Variants in POLN observed in about 807,000 individuals in gnomAD.
POLN encodes the protein DNA polymerase nu.
In POLN, 108 loss-of-function variants were observed where a neutral mutation model predicts 113.5. That is an observed-to-expected ratio of 0.95 (90% confidence interval 0.81 to 1.12). The LOEUF (loss-of-function observed/expected upper bound fraction) is 1.12, where lower values mean the gene tolerates loss of function less well. Among genes scored for constraint, POLN ranks in the 50% most tolerant of loss-of-function variants. POLN has a pLI of 0.00. For missense variants in POLN, 1,097 were observed against 1,077.1 expected, an observed-to-expected ratio of 1.02 and a Z score of -0.26; for synonymous variants, 386 against 391.5, an observed-to-expected ratio of 0.99 and a Z score of 0.17.
intron 2 of POLN, chr4:2,239,002 C>T (rs1314789124): frequency 1.4e-5 from 22 of 1,554,026 alleles, no homozygotes; most frequent in Non-Finnish European, 1.9e-5. Flanking sequence ...TCTCACTGGT[C>T]AAGCTAGAAA....
chr4:2,074,293 G>A (rs958671989), intron 24 of POLN, among the ~76,000 whole-genome samples: 1 of 152,298 alleles, frequency 6.6e-6, no homozygotes, highest in East Asian at 1.9e-4. Flanking sequence ...CTGACCCCCA[G>A]CCCTTCAGGG....
chr4:2,225,529 G>A (rs971565708), intron 3 of POLN, among the ~76,000 whole-genome samples: 2 of 151,582 alleles, frequency 1.3e-5, no homozygotes, highest in Non-Finnish European at 2.9e-5. Context: ...ACTCCAGCTT[G>A]GGTGACAGAG....
chr4:2,128,277 CG>C, intron 18 of POLN, 50 bp from the exon 19 acceptor site: 1 of 1,267,810 alleles, frequency 7.9e-7, no homozygotes, highest in Non-Finnish European at 1.1e-6. Context: ...CAATGTTCCT[CG>C]TGTTTGCTGC....
chr4:2,149,746 A>C (rs542289481), intron 16 of POLN, among the ~76,000 whole-genome samples: 38 of 152,262 alleles, frequency 2.5e-4, no homozygotes, highest in African/African-American at 8.7e-4. Flanking sequence ...TGATTACATC[A>C]CTGTACTCTA....
At chr4:2,179,103 C>T (rs1398070767) in intron 8 of POLN, among the ~76,000 whole-genome samples, 1 of 152,218 alleles carries the variant, frequency 6.6e-6, no homozygotes, top group African/African-American at 2.4e-5. Context: ...TTCCTAGGAA[C>T]AGGTGCCATA....
chr4:2,166,787 C>T (rs1732739588), intron 13 of POLN, among the ~76,000 whole-genome samples: 1 of 152,124 alleles, frequency 6.6e-6, no homozygotes, highest in African/African-American at 2.4e-5. Flanking sequence ...GTTACACCGT[C>T]AGCTTCCCTG....
chr4:2,109,179 T>C (rs1298254823), intron 19 of POLN, among the ~76,000 whole-genome samples: 5 of 152,196 alleles, frequency 3.3e-5, no homozygotes, highest in Non-Finnish European at 5.9e-5. Context: ...AGGAAATGAT[T>C]GAATATGAAA....
intron 7 of POLN, among the ~76,000 whole-genome samples, chr4:2,185,842 T>G (rs991617342): frequency 6.6e-6 from 1 of 151,652 alleles, no homozygotes; most frequent in Non-Finnish European, 1.5e-5. Flanking sequence ...ACAAAAACAG[T>G]TATAGAACAA....
At chr4:2,104,431 G>GT (rs1421193259) in intron 19 of POLN, among the ~76,000 whole-genome samples, 1 of 152,138 alleles carries the variant, frequency 6.6e-6, no homozygotes, top group African/African-American at 2.4e-5. Flanking sequence ...GGGTCATATG[G>GT]TAACTCTGTA....
intron 13 of POLN, among the ~76,000 whole-genome samples, chr4:2,163,415 G>A (rs1732649826): frequency 6.6e-6 from 1 of 152,216 alleles, no homozygotes; most frequent in African/African-American, 2.4e-5. Context: ...TGAGAACACT[G>A]CTCGCACTAA....
intron 2 of POLN, chr4:2,231,747 A>C: frequency 2.2e-6 from 1 of 459,908 alleles, no homozygotes; most frequent in Non-Finnish European, 3.9e-6. Flanking sequence ...TCAAGTCATA[A>C]AAAGCACTGG....
intron 7 of POLN, among the ~76,000 whole-genome samples, chr4:2,190,509 A>G (rs1733413490): frequency 1.3e-5 from 2 of 151,940 alleles, no homozygotes; most frequent in African/African-American, 4.8e-5. Context: ...TCAAAAGTAT[A>G]GGCAACAAAA....
At chr4:2,164,235 CTCACACATGTAA>C (rs1732670245) in intron 13 of POLN, among the ~76,000 whole-genome samples, 2 of 152,148 alleles carry the variant, frequency 1.3e-5, no homozygotes, top group South Asian at 4.1e-4. Flanking sequence ...GGCATGGTGG[CTCACACATGTAA>C]TCCCAGCACT....
At chr4:2,229,465 T>G (rs1382455917) in intron 2 of POLN, 6 of 349,988 alleles carry the variant, frequency 1.7e-5, no homozygotes, top group African/African-American at 1.1e-4. Flanking sequence ...AGATAACTTA[T>G]TTTCTAGGTG....
intron 19 of POLN, among the ~76,000 whole-genome samples, chr4:2,124,184 G>A (rs1337347868): frequency 1.3e-5 from 2 of 152,160 alleles, no homozygotes; most frequent in East Asian, 3.8e-4. Flanking sequence ...TTCCAGGGCC[G>A]GGAGGCGGGG....
intron 16 of POLN, among the ~76,000 whole-genome samples, chr4:2,150,089 A>G (rs1483084417): frequency 3.3e-5 from 5 of 152,240 alleles, no homozygotes; most frequent in African/African-American, 1.2e-4. Context: ...TCTCAAAAAC[A>G]AAAACAAAAA....
At chr4:2,169,854 C>T (rs575655673) in intron 13 of POLN, among the ~76,000 whole-genome samples, 29 of 152,322 alleles carry the variant, frequency 1.9e-4, no homozygotes, top group African/African-American at 7.0e-4. Flanking sequence ...TCAAGTCCCT[C>T]CAGTGGAGCA....
intron 16 of POLN, among the ~76,000 whole-genome samples, chr4:2,153,774 C>T (rs1173065332): frequency 1.3e-5 from 2 of 151,788 alleles, no homozygotes; most frequent in East Asian, 3.9e-4. Flanking sequence ...TTAGCAGAGA[C>T]GGGGTTTCAC....
chr4:2,163,750 C>G (rs1184007153), intron 13 of POLN, among the ~76,000 whole-genome samples: 2 of 152,242 alleles, frequency 1.3e-5, no homozygotes, highest in Non-Finnish European at 2.9e-5. Flanking sequence ...TTCCAAATCT[C>G]CGGGCAGGGC....
Sources: gnomAD v4.1 joint callset for allele counts (sites outside exome capture counted in the v4.1 genomes callset) on GRCh38, gnomAD v4.1.1 for gene constraint, MANE v1.5 for transcripts, NCBI Gene and HGNC (gene_info 2026-07-23, HGNC 2026-07-21) for gene names.